PARD6G: variants seen among roughly 807,000 people sequenced by gnomAD.
PARD6G encodes partitioning defective 6 homolog gamma.
Under a neutral mutation model 10.7 loss-of-function variants are expected in PARD6G, and 7 were observed. The ratio of observed to expected loss-of-function variants is 0.66; its 90% CI spans 0.37 to 1.23. The LOEUF is 1.23. Ranked by LOEUF, PARD6G falls within the 50% of genes most tolerant of loss-of-function variation. The pLI, the probability that PARD6G is intolerant of heterozygous loss-of-function variation, is 0.02. For synonymous variants in PARD6G, 287 were observed against 269.4 expected (o/e 1.07, Z -0.64); for missense variants, 548 against 571.8 (o/e 0.96, Z 0.42).
intron 1 of PARD6G, among the ~76,000 whole-genome samples, chr18:80,207,796 C>T (rs1967067950): frequency 6.6e-6 from 1 of 152,010 alleles, no homozygotes; most frequent in Non-Finnish European, 1.5e-5. Context: ...AATATTTGAA[C>T]TTCAATTTAT....
intron 1 of PARD6G, among the ~76,000 whole-genome samples, chr18:80,243,860 G>A (rs1345001840): frequency 6.6e-6 from 1 of 152,142 alleles, no homozygotes; most frequent in South Asian, 2.1e-4. Context: ...AGCGTGGGCC[G>A]AGGGCATGAG....
rs1967328844 is a variant in PARD6G, at chr18:80,228,983, G to A, written c.72+18294C>T. ...AGACGGAGTCTCACTCTGTCGCCCA[G>A]GCTGGAGTGCAGTGGCATGATCTTG... is the stretch of plus-strand genomic sequence containing the variant. On this transcript the variant is annotated intron_variant, in intron 1 of 2. Coordinates refer to ENST00000353265, the MANE Select transcript of PARD6G (RefSeq NM_032510.4). The surrounding 1 kb of genome is among the most constrained non-coding windows in gnomAD (Gnocchi z 4.6). 6.6e-6 allele frequency among the ~76,000 whole-genome samples: 1 copy of A among 152,208 alleles called. No homozygotes were observed. The highest frequency in any genetic ancestry group is 1.5e-5 in the Non-Finnish European group (1 of 68,038).
chr18:80,163,242 G>A (rs2052712603), intron 2 of PARD6G, among the ~76,000 whole-genome samples: 1 of 152,196 alleles, frequency 6.6e-6, no homozygotes, highest in Admixed American at 6.5e-5. Flanking sequence ...GCCACGAGCA[G>A]CAGGGCCCAG....
chr18:80,226,865 G>C lies in PARD6G; in HGVS notation c.72+20412C>G, dbSNP rs144682416. ...TTAAAATTTTTAATTGCCATATTAC[G>C]AGTGGCAGGAAACTGCTGCGGCTTA... On this transcript the variant is annotated intron_variant, in intron 1 of 2. Coordinates refer to ENST00000353265, the MANE Select transcript of PARD6G (RefSeq NM_032510.4). Among the ~76,000 whole-genome samples, 7 of 152,312 alleles carry C rather than the reference G, an allele frequency of 4.6e-5. No homozygotes were observed. The East Asian group carries it at 1.3e-3, about 29-fold the overall frequency.
intron 1 of PARD6G, among the ~76,000 whole-genome samples, chr18:80,213,469 G>T (rs1445293865): frequency 2.0e-5 from 3 of 152,172 alleles, no homozygotes; most frequent in Admixed American, 2.0e-4. Context: ...TACAAAGGCT[G>T]GGAGACTTAT....
At position 80,188,800 on chromosome 18, in the gene PARD6G, T is replaced by C. The variant is rs2052893013; in HGVS notation, c.295+13910A>G. Among the ~76,000 whole-genome samples, 1 of 152,044 alleles carries C rather than the reference T, an allele frequency of 6.6e-6. No homozygotes were observed. Among genetic ancestry groups the C allele is most frequent in the South Asian group, 2.1e-4 (1 of 4,814 alleles). On this transcript the variant is annotated intron_variant, in intron 2 of 2. Coordinates refer to ENST00000353265, the MANE Select transcript of PARD6G (RefSeq NM_032510.4). This position sits in a 1 kb window ranked among gnomAD's most constrained non-coding sequence, Gnocchi z 5.4. ...CGGGGTACAGCAAGTGACAGGCATGTGGGAGAGACAAGCCCACGAGATGGG... is the reference window on the plus strand; with the variant it reads ...CGGGGTACAGCAAGTGACAGGCATGCGGGAGAGACAAGCCCACGAGATGGG...
At chr18:80,245,723 C>T (rs932592873) in intron 1 of PARD6G, among the ~76,000 whole-genome samples, 28 of 152,150 alleles carry the variant, frequency 1.8e-4, no homozygotes, top group African/African-American at 6.3e-4. Context: ...CTCCAGAGAG[C>T]TGTGTTCCCA....
At chr18:80,202,052 C>T (rs1226903614) in intron 2 of PARD6G, 1 of 152,352 alleles carries the variant, frequency 6.6e-6, no homozygotes, top group Non-Finnish European at 1.5e-5. Flanking sequence ...GAGAGGCAGT[C>T]AGTTATAAAA....
chr18:80,194,170 C>G (rs1966927653), intron 2 of PARD6G, among the ~76,000 whole-genome samples: 1 of 152,186 alleles, frequency 6.6e-6, no homozygotes, highest in Non-Finnish European at 1.5e-5. Context: ...GTATATTGAA[C>G]AGGGATCCTC....
intron 1 of PARD6G, among the ~76,000 whole-genome samples, chr18:80,217,478 C>T (rs1013006252): frequency 1.3e-5 from 2 of 152,104 alleles, no homozygotes; most frequent in Admixed American, 6.5e-5. Flanking sequence ...ACACTCTCAG[C>T]CAGGTAACCA....
At position 80,228,192 on chromosome 18, in the gene PARD6G, G is replaced by A. The variant is rs1404911710; in HGVS notation, c.72+19085C>T. On this transcript the variant is annotated intron_variant, in intron 1 of 2. Coordinates refer to ENST00000353265, the MANE Select transcript of PARD6G (RefSeq NM_032510.4). The surrounding 1 kb of genome is among the most constrained non-coding windows in gnomAD (Gnocchi z 4.6). ...AAGGCCTCTGAGCACAGCTGGAAAAGGGCCCGACCTGGTGCTCAGGAAGTC... is the reference window on the plus strand; with the variant it reads ...AAGGCCTCTGAGCACAGCTGGAAAAAGGCCCGACCTGGTGCTCAGGAAGTC... 6.6e-6 allele frequency among the ~76,000 whole-genome samples: 1 copy of A among 152,148 alleles called. No individual in the cohort carries two copies. Among genetic ancestry groups the A allele is most frequent in the African/African-American group, 2.4e-5 (1 of 41,438 alleles).
chr18:80,198,998 GA>G (rs1966983541), intron 2 of PARD6G, among the ~76,000 whole-genome samples: 1 of 152,174 alleles, frequency 6.6e-6, no homozygotes, highest in South Asian at 2.1e-4. Flanking sequence ...ACTCCAGAAA[GA>G]AACCCCCTCC....
intron 1 of PARD6G, among the ~76,000 whole-genome samples, chr18:80,229,299 A>C (rs1315788587): frequency 6.6e-6 from 1 of 152,232 alleles, no homozygotes; most frequent in East Asian, 1.9e-4. Context: ...AGTAAATTTA[A>C]AAACACACAC....
At chr18:80,174,135 C>A (rs2052794128) in intron 2 of PARD6G, among the ~76,000 whole-genome samples, 1 of 152,170 alleles carries the variant, frequency 6.6e-6, no homozygotes, top group Non-Finnish European at 1.5e-5. Flanking sequence ...TGCCTAGAGC[C>A]CTCACCTTTT....
At chr18:80,205,608 C>G (rs1271153815) in intron 1 of PARD6G, among the ~76,000 whole-genome samples, 1 of 152,166 alleles carries the variant, frequency 6.6e-6, no homozygotes, top group Non-Finnish European at 1.5e-5. Flanking sequence ...AGCACCTTCC[C>G]CCTCTTTTAG....
At chr18:80,237,037 G>C (rs1259964049) in intron 1 of PARD6G, among the ~76,000 whole-genome samples, 1 of 152,092 alleles carries the variant, frequency 6.6e-6, no homozygotes, top group Non-Finnish European at 1.5e-5. Flanking sequence ...AACCCGCATT[G>C]CCAAGTCAAT....
At chr18:80,210,423 C>A (rs547624434) in intron 1 of PARD6G, among the ~76,000 whole-genome samples, 2 of 152,348 alleles carry the variant, frequency 1.3e-5, no homozygotes, top group Admixed American at 1.3e-4. Context: ...ATCCACCTCT[C>A]AACTGTGAAA....
intron 2 of PARD6G, among the ~76,000 whole-genome samples, chr18:80,179,412 G>T (rs922326706): frequency 2.6e-5 from 4 of 151,988 alleles, no homozygotes; most frequent in Non-Finnish European, 5.9e-5. Flanking sequence ...GCCCACGCCC[G>T]CTCCCTTGCC....
rs538068005 is a variant in PARD6G at position 80,195,579 on chromosome 18, A to AT, written c.295+7130dup. On this transcript the variant is annotated intron_variant, in intron 2 of 2. Coordinates refer to ENST00000353265, the MANE Select transcript of PARD6G (RefSeq NM_032510.4). ...TATATATATATATATATATACACACATTTTTTTTTCTTTTTTTTTCTGACC... is the reference window on the plus strand; with the variant it reads ...TATATATATATATATATATACACACATTTTTTTTTTCTTTTTTTTTCTGACC... 2.8e-3 allele frequency among the ~76,000 whole-genome samples: 378 copies of AT among 135,816 alleles called. 3 individuals carry two copies. Among genetic ancestry groups the AT allele is most frequent in the African/African-American group, 9.8e-3 (356 of 36,252 alleles). The allele number at this position is 135,816 out of a possible 152,430, so 89.1% of individuals were successfully genotyped here. A position where few individuals can be genotyped will look rare whatever the true frequency, so the allele number is the denominator to read the frequency against.
Sources: gnomAD v4.1 joint callset for allele counts (sites outside exome capture counted in the v4.1 genomes callset) on GRCh38, gnomAD v4.1.1 for gene constraint, Gnocchi (gnomAD v3.1) non-coding constraint, MANE v1.5 for transcripts, NCBI Gene and HGNC (gene_info 2026-07-23, HGNC 2026-07-21) for gene names.